GOLGA8A: variants seen among roughly 807,000 people sequenced by gnomAD.
The protein encoded by GOLGA8A is golgin subfamily A member 8A.
A neutral mutation model predicts 22.1 loss-of-function variants in GOLGA8A; 3 were observed. That is an observed-to-expected ratio of 0.14 (90% CI 0.06 to 0.35). The LOEUF (loss-of-function observed/expected upper bound fraction) is 0.35. Among genes scored for constraint, GOLGA8A ranks in the 10% least tolerant of loss-of-function variants. The pLI, the probability that GOLGA8A is intolerant of heterozygous loss-of-function variation, is 1.00. For synonymous variants in GOLGA8A, 7 were observed against 91.7 expected, an observed-to-expected ratio of 0.08 and a Z score of 5.28; for missense variants, 16 against 233.2, an observed-to-expected ratio of 0.07 and a Z score of 6.07.
In GOLGA8A at chr15:34,380,749, G is replaced by A. The variant is rs903424999; in HGVS notation, c.*662C>T. The A allele has an allele frequency of 3.3e-5, 6 of 179,246 alleles. No homozygotes were observed. Among genetic ancestry groups the A allele is most frequent in the Admixed American group, 2.1e-4 (4 of 18,652 alleles). The allele number at this position is 179,246 out of a possible 1,614,324, so 11.1% of individuals were successfully genotyped here. A position where few individuals can be genotyped will look rare whatever the true frequency, so the allele number is the denominator to read the frequency against. On this transcript the variant is annotated 3_prime_UTR_variant, in exon 25 of 25. Transcript: ENST00000359187. ...AACACACTGTATCCTGCACATACCT[G>A]CCAGAGCAGGCCACTTTCCTCTTCT...
At chr15:34,427,158 TC>T (rs1566912408) in intron 2 of GOLGA8A, among the ~76,000 whole-genome samples, 1 of 146,390 alleles carries the variant, frequency 6.8e-6, no homozygotes, top group East Asian at 2.0e-4. Context: ...CGGTGAAACC[TC>T]GTCTGTACTA....
intron 2 of GOLGA8A, 105 bp downstream of exon 2, chr15:34,435,278 T>A (rs1271314833): frequency 6.0e-5 from 9 of 149,534 alleles, no homozygotes; most frequent in African/African-American, 2.2e-4. Context: ...AATCTCACCA[T>A]CAACTGTTTT....
intron 16 of GOLGA8A, among the ~76,000 whole-genome samples, chr15:34,384,326 C>CACCAGAGGAG (rs1305489272): frequency 1.3e-5 from 2 of 150,828 alleles, no homozygotes; most frequent in East Asian, 3.9e-4. Flanking sequence ...TCCTCGCAAC[C>CACCAGAGGAG]ACCAGAGGAG....
At chr15:34,434,850 C>A (rs1893425514) in intron 2 of GOLGA8A, among the ~76,000 whole-genome samples, 1 of 149,530 alleles carries the variant, frequency 6.7e-6, no homozygotes, top group Non-Finnish European at 1.5e-5. Context: ...GGGTGAGGAA[C>A]TGAGACTGCG....
chr15:34,419,818 G>A (rs1188510129), intron 2 of GOLGA8A: 1 of 120,546 alleles, frequency 8.3e-6, no homozygotes, highest in Non-Finnish European at 1.7e-5. Context: ...AACACAGGTG[G>A]GCCTTGAGAA....
chr15:34,434,827 G>T (rs79171960), intron 2 of GOLGA8A, among the ~76,000 whole-genome samples: 17,590 of 149,212 alleles, frequency 0.12, 2,313 homozygotes, highest in Non-Finnish European at 0.15. Flanking sequence ...CAGTGCTCAC[G>T]GCCACCTGGC....
rs1280422905 is a variant in GOLGA8A, at chr15:34,379,297, T to G, written c.*2114A>C. ...CATTTCTTCCTTTTAAACTACAGGA[T>G]TTATATTTTAAAATGTTTTATTTCA... On this transcript the variant is annotated 3_prime_UTR_variant, in exon 25 of 25. Transcript: ENST00000359187. 1 of 152,656 alleles carries G rather than the reference T, an allele frequency of 6.6e-6. No homozygotes were observed. The highest frequency in any genetic ancestry group is 2.4e-5 in the African/African-American group (1 of 41,460). 9.5% of individuals were successfully genotyped at this position (152,656 alleles called of 1,614,324 possible).
At chr15:34,423,082 A>G (rs1460506192) in intron 2 of GOLGA8A, among the ~76,000 whole-genome samples, 1 of 129,248 alleles carries the variant, frequency 7.7e-6, no homozygotes, top group African/African-American at 2.8e-5. Flanking sequence ...ACAAACTAAC[A>G]AACACCCAGG....
intron 2 of GOLGA8A, among the ~76,000 whole-genome samples, chr15:34,431,688 C>A (rs1468963462): frequency 1.3e-5 from 2 of 148,648 alleles, no homozygotes; most frequent in Non-Finnish European, 3.0e-5. Flanking sequence ...ATGGACCTTC[C>A]ATGAATGGAA....
Position 34,432,648 on chromosome 15 carries a change from G to C in GOLGA8A, c.-1123+2735C>G, listed in dbSNP as rs184244026. Among the ~76,000 whole-genome samples the C allele has an allele frequency of 3.2e-4, 48 of 149,504 alleles. 3 individuals carry two copies. The highest frequency in any genetic ancestry group is 1.2e-3 in the African/African-American group (47 of 40,572). The stretch of plus-strand genomic sequence containing the variant: ...CCATCAAAACCATCTTTAAATGTTG[G>C]AGTGTTTCCGTTTCCAGACAACTAG... On this transcript the variant is annotated intron_variant, in intron 2 of 24. Transcript: ENST00000359187.
chr15:34,416,103 C>T (rs1443207179), intron 2 of GOLGA8A: 16 of 151,504 alleles, frequency 1.1e-4, no homozygotes, highest in African/African-American at 3.6e-4. Context: ...ATTTCTACCA[C>T]ATTCTATAGG....
In GOLGA8A at chr15:34,432,623, C is replaced by A. The variant is rs1012029844; in HGVS notation, c.-1123+2760G>T. On this transcript the variant is annotated intron_variant, in intron 2 of 24. Coordinates refer to ENST00000359187, the MANE Select transcript of GOLGA8A (RefSeq NM_181077.5). ...TGTGTGTTTCATTCCAGTGGTTTCG[C>A]CATCAAAACCATCTTTAAATGTTGG... Among the ~76,000 whole-genome samples the A allele has an allele frequency of 2.7e-5, 4 of 149,376 alleles. 1 individual carries two copies. The highest frequency in any genetic ancestry group is 9.9e-5 in the African/African-American group (4 of 40,454).
chr15:34,432,400 A>C (rs1390623124), intron 2 of GOLGA8A, among the ~76,000 whole-genome samples: 1 of 148,180 alleles, frequency 6.7e-6, no homozygotes, highest in Non-Finnish European at 1.5e-5. Context: ...CGGACCTCAC[A>C]CTCTCTCCAG....
rs1566907050 is a variant in GOLGA8A, at chr15:34,406,771, GC to G, written c.-812del. On this transcript the variant is annotated 5_prime_UTR_variant, in exon 4 of 25. Transcript: ENST00000359187. Reference sequence around the variant, plus strand: ...CTGCGTGAGTTAGCTGGGAAAGAGAGCTCCCACTGTTCTCTTTTAACCCTTG... The same window carrying G: ...CTGCGTGAGTTAGCTGGGAAAGAGAGTCCCACTGTTCTCTTTTAACCCTTG... The G allele has an allele frequency of 7.3e-6, 1 of 137,754 alleles. No individual in the cohort carries two copies. Among genetic ancestry groups the G allele is most frequent in the African/African-American group, 2.7e-5 (1 of 37,416 alleles). 8.5% of individuals were successfully genotyped at this position (137,754 alleles called of 1,614,324 possible). A position where few individuals can be genotyped will look rare whatever the true frequency, so the allele number is the denominator to read the frequency against.
At chr15:34,425,680 C>T (rs2140279024) in intron 2 of GOLGA8A, among the ~76,000 whole-genome samples, 1 of 145,140 alleles carries the variant, frequency 6.9e-6, no homozygotes, top group Middle Eastern at 3.5e-3. Flanking sequence ...AAAATATCCG[C>T]AATATATATA....
In GOLGA8A at chr15:34,437,437, TCGCCGC is replaced by T. The variant is rs1454320908; in HGVS notation, c.-1257_-1252del. ...GGGCTGCCCCGGTCCGCCGCCGTCCTCGCCGCGCCGCCGTCCTCGCCGCGCCGCCGT... is the reference window on the plus strand; with the variant it reads ...GGGCTGCCCCGGTCCGCCGCCGTCCTGCCGCCGTCCTCGCCGCGCCGCCGT... On this transcript the variant is annotated 5_prime_UTR_variant, in exon 1 of 25. Coordinates refer to ENST00000359187, the MANE Select transcript of GOLGA8A (RefSeq NM_181077.5). 8.0e-5 allele frequency: 11 copies of T among 137,242 alleles called. No individual in the cohort carries two copies. In the East Asian group the frequency reaches 2.0e-3, roughly 24 times the overall value. The allele number at this position is 137,242 out of a possible 1,614,324, so 8.5% of individuals were successfully genotyped here. A position where few individuals can be genotyped will look rare whatever the true frequency, so the allele number is the denominator to read the frequency against.
Position 34,381,873 on chromosome 15 carries a change from T to TC in GOLGA8A, c.1454-18dup. 1.8e-6 allele frequency: 1 copy of TC among 549,014 alleles called. No individual in the cohort carries two copies. The highest frequency in any genetic ancestry group is 3.0e-6 in the Non-Finnish European group (1 of 329,612). 34.0% of individuals were successfully genotyped at this position (549,014 alleles called of 1,614,324 possible). A position where few individuals can be genotyped will look rare whatever the true frequency, so the allele number is the denominator to read the frequency against. The stretch of plus-strand genomic sequence containing the variant: ...CAGCTTCACCTGAAGGGACGGGTGC[T>TC]CAGCTGTCAGGCCGCTGCTGGCGCC... On this transcript the variant is annotated splice_polypyrimidine_tract_variant and intron_variant, in intron 23 of 24. Transcript: ENST00000359187.
rs1167439939 is a variant in GOLGA8A at position 34,435,393 on chromosome 15, T to C, written c.-1133A>G. ...GTCTTTTACAATTACCTTTTACTTT[T>C]ATCCAGCATTTCTTAGCTCGGTTGG... On this transcript the variant is annotated 5_prime_UTR_variant, in exon 2 of 25. The change creates a new upstream start codon in the 5' untranslated region. Transcript: ENST00000359187. The C allele has an allele frequency of 6.7e-6, 1 of 149,806 alleles. No homozygotes were observed. The highest frequency in any genetic ancestry group is 2.5e-5 in the African/African-American group (1 of 40,618). The allele number at this position is 149,806 out of a possible 1,614,324, so 9.3% of individuals were successfully genotyped here.
rs1265854627 is a variant in GOLGA8A at position 34,433,561 on chromosome 15, G to A, written c.-1123+1822C>T. On this transcript the variant is annotated intron_variant, in intron 2 of 24. Coordinates refer to ENST00000359187, the MANE Select transcript of GOLGA8A (RefSeq NM_181077.5). Reference sequence around the variant, plus strand: ...TCTTTCTTGACTGCCCACTGAATGAGGGTCTGTGCTACATTCCAGGAGGAT... The same window carrying A: ...TCTTTCTTGACTGCCCACTGAATGAAGGTCTGTGCTACATTCCAGGAGGAT... Among the ~76,000 whole-genome samples the A allele has an allele frequency of 2.7e-5, 4 of 149,094 alleles. 1 individual carries two copies. The highest frequency in any genetic ancestry group is 3.9e-4 in the East Asian group (2 of 5,082).
Sources: allele counts gnomAD v4.1 joint callset (sites outside exome capture counted in the v4.1 genomes callset), GRCh38; gene constraint gnomAD v4.1.1; transcripts MANE v1.5; gene names NCBI Gene and HGNC (gene_info 2026-07-23, HGNC 2026-07-21).